Variants in C16orf74 observed in about 807,000 individuals in gnomAD.
C16orf74 encodes calcimembrin.
Under a neutral mutation model 6.5 loss-of-function variants are expected in C16orf74, and 10 were observed. The ratio of observed to expected loss-of-function variants is 1.54; its 90% CI spans 0.95 to 2.61. The LOEUF (loss-of-function observed/expected upper bound fraction) is 2.61. C16orf74 is among the 30% of genes most tolerant of loss of function. The pLI is 0.00. For missense variants in C16orf74, 141 were observed against 105.9 expected, an observed-to-expected ratio of 1.33 and a Z score of -1.45; for synonymous variants, 60 against 42.5, an observed-to-expected ratio of 1.41 and a Z score of -1.60.
intron 3 of C16orf74, 99 bp downstream of exon 3, chr16:85,710,065 C>T (rs1012924912): frequency 1.6e-5 from 17 of 1,049,202 alleles, no homozygotes; most frequent in African/African-American, 1.0e-4. Context: ...GAGGTGGGGA[C>T]GCAAGCTAGG....
intron 1 of C16orf74, among the ~76,000 whole-genome samples, chr16:85,739,067 G>A (rs903076962): frequency 2.0e-5 from 3 of 152,168 alleles, no homozygotes; most frequent in African/African-American, 4.8e-5. Flanking sequence ...AGGGGAGGGC[G>A]GAGCAGACCT....
intron 1 of C16orf74, among the ~76,000 whole-genome samples, chr16:85,747,374 C>T (rs1351177641): frequency 6.6e-6 from 1 of 152,078 alleles, no homozygotes; most frequent in Admixed American, 6.6e-5. Context: ...ATCACCTGAG[C>T]CCAGGAGGTT....
chr16:85,735,000 A>C (rs409342), intron 2 of C16orf74, among the ~76,000 whole-genome samples, 190 bp downstream of exon 2: 3 of 152,172 alleles, frequency 2.0e-5, no homozygotes, highest in African/African-American at 7.2e-5. Flanking sequence ...CTAGTGAAAT[A>C]GAAGGCCTGG....
At chr16:85,713,115 GT>G (rs1375342161) in intron 2 of C16orf74, among the ~76,000 whole-genome samples, 5 of 152,160 alleles carry the variant, frequency 3.3e-5, no homozygotes, top group African/African-American at 9.7e-5. Context: ...GGCAAGGCTG[GT>G]TCCTCTGGAG....
intron 2 of C16orf74, among the ~76,000 whole-genome samples, chr16:85,720,032 G>C (rs2054066862): frequency 6.6e-6 from 1 of 152,110 alleles, no homozygotes; most frequent in Admixed American, 6.5e-5. Context: ...TCCTCCAAGG[G>C]TTCCAGATGC....
intron 2 of C16orf74, among the ~76,000 whole-genome samples, chr16:85,733,407 G>GT (rs2054211348): frequency 6.6e-6 from 1 of 152,148 alleles, no homozygotes; most frequent in Non-Finnish European, 1.5e-5. Context: ...GGAACGGGGA[G>GT]TTAGTGTTTA....
At chr16:85,730,093 A>G (rs1169096729) in intron 2 of C16orf74, among the ~76,000 whole-genome samples, 2 of 152,084 alleles carry the variant, frequency 1.3e-5, no homozygotes, top group Non-Finnish European at 2.9e-5. Context: ...ACAGCCTCAG[A>G]GCCCCTGGGG....
intron 1 of C16orf74, among the ~76,000 whole-genome samples, chr16:85,743,850 G>A (rs1385216882): frequency 2.0e-5 from 3 of 152,016 alleles, no homozygotes; most frequent in East Asian, 1.9e-4. Flanking sequence ...TCAGGAGATC[G>A]AGACAATCCT....
intron 1 of C16orf74, among the ~76,000 whole-genome samples, chr16:85,742,480 C>T (rs969573297): frequency 6.6e-6 from 1 of 152,202 alleles, no homozygotes; most frequent in Non-Finnish European, 1.5e-5. Context: ...GTGGAAGCAG[C>T]CTGAGGCCCT....
At chr16:85,730,496 C>G (rs1383605782) in intron 2 of C16orf74, among the ~76,000 whole-genome samples, 1 of 150,640 alleles carries the variant, frequency 6.6e-6, no homozygotes. Flanking sequence ...ATCCCCCAGA[C>G]CAGGCAAGTG....
chr16:85,714,589 T>C (rs1243086460), intron 2 of C16orf74, among the ~76,000 whole-genome samples: 1 of 151,512 alleles, frequency 6.6e-6, no homozygotes, highest in Non-Finnish European at 1.5e-5. Flanking sequence ...CCAGCTAATT[T>C]TTATATTTTT....
chr16:85,713,838 G>A (rs1242297678), intron 2 of C16orf74, among the ~76,000 whole-genome samples: 3 of 152,222 alleles, frequency 2.0e-5, no homozygotes, highest in Non-Finnish European at 4.4e-5. Flanking sequence ...AGTTGGTGCT[G>A]TCCATGGCTC....
intron 2 of C16orf74, among the ~76,000 whole-genome samples, chr16:85,728,835 G>T (rs1259894606): frequency 6.6e-6 from 1 of 152,208 alleles, no homozygotes; most frequent in African/African-American, 2.4e-5. Flanking sequence ...GTCAGAGGCA[G>T]ACCCAGAATA....
chr16:85,748,239 A>G lies in C16orf74; in HGVS notation c.-19+2687T>C, dbSNP rs1348932006. Among the ~76,000 whole-genome samples the G allele has an allele frequency of 2.6e-5, 4 of 151,802 alleles. No homozygotes were observed. The East Asian group carries it at 7.7e-4, about 29-fold the overall frequency. On this transcript the variant is annotated intron_variant, in intron 1 of 3. Transcript: ENST00000284245. ...ACAACTGAAGGGGGAAGTACGTGGG[A>G]TGGGGAGACATGGCTTTTGGGTCAT...
At chr16:85,741,512 T>C (rs1271237829) in intron 1 of C16orf74, 2 of 165,362 alleles carry the variant, frequency 1.2e-5, no homozygotes, top group Non-Finnish European at 2.9e-5. Flanking sequence ...AGGTGCAGCA[T>C]CGAGGGTGGT....
intron 2 of C16orf74, among the ~76,000 whole-genome samples, chr16:85,730,873 C>T (rs1289320177): frequency 7.0e-6 from 1 of 142,848 alleles, no homozygotes; most frequent in Non-Finnish European, 1.5e-5. Flanking sequence ...AACCTAAATC[C>T]CCTAGACAAC....
chr16:85,718,505 G>T (rs1011142793), intron 2 of C16orf74, among the ~76,000 whole-genome samples: 3 of 152,184 alleles, frequency 2.0e-5, no homozygotes, highest in Non-Finnish European at 2.9e-5. Context: ...TGCGATGGAC[G>T]GCCAGACGGC....
chr16:85,745,314 C>G (rs1023479365), intron 1 of C16orf74, among the ~76,000 whole-genome samples: 3 of 152,110 alleles, frequency 2.0e-5, no homozygotes, highest in Non-Finnish European at 2.9e-5. Context: ...GCATGCCACA[C>G]AGCTTCTCTA....
intron 2 of C16orf74, among the ~76,000 whole-genome samples, chr16:85,719,518 G>T (rs887637208): frequency 6.6e-6 from 1 of 152,084 alleles, no homozygotes; most frequent in African/African-American, 2.4e-5. Context: ...TTCCAGACGG[G>T]CACACTGAGG....
Sources: allele counts gnomAD v4.1 joint callset (sites outside exome capture counted in the v4.1 genomes callset), GRCh38; gene constraint gnomAD v4.1.1; transcripts MANE v1.5; gene names NCBI Gene and HGNC (gene_info 2026-07-23, HGNC 2026-07-21).